BTBD9: variants seen among roughly 807,000 people sequenced by gnomAD.
BTBD9 encodes BTB/POZ domain-containing protein 9.
Under a neutral mutation model 64.3 loss-of-function variants are expected in BTBD9, and 49 were observed. The ratio of observed to expected loss-of-function variants is 0.76; its 90% CI spans 0.61 to 0.97. The LOEUF (loss-of-function observed/expected upper bound fraction) is 0.97. Ranked by LOEUF, BTBD9 falls within the 50% of genes least tolerant of loss-of-function variation. BTBD9 has a pLI of 0.00. For synonymous variants in BTBD9, 260 were observed against 274.7 expected, an observed-to-expected ratio of 0.95 and a Z score of 0.53; for missense variants, 598 against 762.1, an observed-to-expected ratio of 0.78 and a Z score of 2.53.
Position 38,267,091 on chromosome 6 carries a change from G to A in BTBD9, c.1455-10575C>T, listed in dbSNP as rs551417146. 7.2e-5 allele frequency among the ~76,000 whole-genome samples: 11 copies of A among 152,368 alleles called. No homozygotes were observed. In the East Asian group the frequency reaches 2.1e-3, roughly 29 times the overall value. ...CACCGGCAGGATCAGAAAAGGATGT[G>A]TGAGAGGCAGAAATGCCGAGGTCCT... On this transcript the variant is annotated intron_variant, in intron 8 of 10. Transcript: ENST00000481247.
At chr6:38,444,970 C>A (rs1416810960) in intron 6 of BTBD9, among the ~76,000 whole-genome samples, 1 of 152,152 alleles carries the variant, frequency 6.6e-6, no homozygotes, top group Non-Finnish European at 1.5e-5. Context: ...GACTAAATTT[C>A]CTATTCCTCT....
intron 8 of BTBD9, among the ~76,000 whole-genome samples, chr6:38,287,109 TACACACACACACACAC>T (rs70981534): frequency 1.6e-4 from 14 of 87,018 alleles, no homozygotes; most frequent in East Asian, 3.7e-4. Flanking sequence ...AAAAAAAATA[TACACACACACACACAC>T]ACACACACAC....
At chr6:38,464,687 G>A (rs897327394) in intron 6 of BTBD9, among the ~76,000 whole-genome samples, 3 of 152,032 alleles carry the variant, frequency 2.0e-5, no homozygotes, top group Non-Finnish European at 4.4e-5. Flanking sequence ...GTAGAGATGG[G>A]GTTTCACCAA....
intron 6 of BTBD9, among the ~76,000 whole-genome samples, chr6:38,550,237 C>G (rs1774735645): frequency 6.6e-6 from 1 of 152,188 alleles, no homozygotes; most frequent in South Asian, 2.1e-4. Context: ...CTGTCCTTAT[C>G]TCAGTCTAAC....
chr6:38,200,945 G>T (rs1045978665), intron 9 of BTBD9, among the ~76,000 whole-genome samples: 1 of 152,102 alleles, frequency 6.6e-6, no homozygotes, highest in Admixed American at 6.6e-5. Context: ...GCTTGAGTCT[G>T]GGAGTTTGCG....
chr6:38,329,251 G>A (rs1763578626), intron 7 of BTBD9, among the ~76,000 whole-genome samples: 1 of 151,274 alleles, frequency 6.6e-6, no homozygotes, highest in East Asian at 1.9e-4. Flanking sequence ...TGCTGTTCCT[G>A]AATATTCCTT....
chr6:38,543,712 C>T (rs1174579056), intron 6 of BTBD9, among the ~76,000 whole-genome samples: 1 of 152,086 alleles, frequency 6.6e-6, no homozygotes, highest in Non-Finnish European at 1.5e-5. Flanking sequence ...AATCCTAGCA[C>T]TTTGGGAGGC....
chr6:38,297,425 T>C (rs1193028855), intron 7 of BTBD9, among the ~76,000 whole-genome samples: 4 of 152,214 alleles, frequency 2.6e-5, no homozygotes, highest in Non-Finnish European at 4.4e-5. Context: ...TTCCTACAAT[T>C]CTGTTGATTT....
At chr6:38,204,897 A>C (rs1386205651) in intron 9 of BTBD9, among the ~76,000 whole-genome samples, 1 of 152,216 alleles carries the variant, frequency 6.6e-6, no homozygotes, top group Non-Finnish European at 1.5e-5. Flanking sequence ...CATCTTTGAA[A>C]TAGGAATAAA....
chr6:38,525,139 T>C lies in BTBD9; in HGVS notation c.1154+52461A>G, dbSNP rs564299665. ...ACCTCATCTTGAATTGTAATCCCCATGTGTCGAGGGAGAAAGTTAGTTGGA... is the reference window on the plus strand; with the variant it reads ...ACCTCATCTTGAATTGTAATCCCCACGTGTCGAGGGAGAAAGTTAGTTGGA... On this transcript the variant is annotated intron_variant, in intron 6 of 10. Coordinates refer to ENST00000481247, the MANE Select transcript of BTBD9 (RefSeq NM_001099272.2). Among the ~76,000 whole-genome samples, 6 of 152,300 alleles carry C rather than the reference T, an allele frequency of 3.9e-5. No homozygotes were observed. In the East Asian group the frequency reaches 7.7e-4, roughly 20 times the overall value.
intron 6 of BTBD9, among the ~76,000 whole-genome samples, chr6:38,544,993 G>A (rs1471466280): frequency 6.8e-6 from 1 of 147,188 alleles, no homozygotes; most frequent in African/African-American, 2.5e-5. Context: ...AGGAGATGAA[G>A]CCTGAGAGGT....
intron 6 of BTBD9, among the ~76,000 whole-genome samples, chr6:38,409,655 T>A (rs1176930057): frequency 6.6e-6 from 1 of 151,860 alleles, no homozygotes; most frequent in Non-Finnish European, 1.5e-5. Context: ...AAACCCTGTC[T>A]CTACTAAAAA....
At chr6:38,552,825 G>A (rs1259270916) in intron 6 of BTBD9, among the ~76,000 whole-genome samples, 2 of 151,806 alleles carry the variant, frequency 1.3e-5, no homozygotes, top group Non-Finnish European at 2.9e-5. Flanking sequence ...CCTGGACTCT[G>A]ACTAATTAGG....
chr6:38,201,079 C>T (rs1010812876), intron 9 of BTBD9, among the ~76,000 whole-genome samples: 1 of 151,940 alleles, frequency 6.6e-6, no homozygotes, highest in Non-Finnish European at 1.5e-5. Flanking sequence ...GGGAATACTC[C>T]TTAACTCATT....
At chr6:38,613,923 T>G (rs1397065842) in intron 1 of BTBD9, among the ~76,000 whole-genome samples, 1 of 152,120 alleles carries the variant, frequency 6.6e-6, no homozygotes, top group Admixed American at 6.5e-5. Context: ...CTATGAGTAT[T>G]CTCTTCCTCT....
At chr6:38,311,332 A>G (rs770447004) in intron 7 of BTBD9, among the ~76,000 whole-genome samples, 5 of 152,096 alleles carry the variant, frequency 3.3e-5, no homozygotes, top group Admixed American at 1.3e-4. Flanking sequence ...AGCTCCCACA[A>G]GTAAGTGAGA....
intron 1 of BTBD9, among the ~76,000 whole-genome samples, chr6:38,602,217 T>C (rs568074579): frequency 6.6e-6 from 1 of 152,090 alleles, no homozygotes; most frequent in Non-Finnish European, 1.5e-5. Flanking sequence ...TGGCTAGCCA[T>C]TTGGAAAAAA....
intron 8 of BTBD9, among the ~76,000 whole-genome samples, chr6:38,263,871 G>T (rs1764877414): frequency 6.6e-6 from 1 of 152,150 alleles, no homozygotes; most frequent in Non-Finnish European, 1.5e-5. Context: ...GAACTAAAAG[G>T]GCCAAAGATA....
intron 7 of BTBD9, among the ~76,000 whole-genome samples, chr6:38,303,874 T>TATATACATACAC (rs368257334): frequency 6.0e-5 from 5 of 82,648 alleles, no homozygotes; most frequent in African/African-American, 1.9e-4. Context: ...TATATATATA[T>TATATACATACAC]ACACACACAC....
Sources: gnomAD v4.1 joint callset for allele counts (sites outside exome capture counted in the v4.1 genomes callset) on GRCh38, gnomAD v4.1.1 for gene constraint, MANE v1.5 for transcripts, NCBI Gene and HGNC (gene_info 2026-07-23, HGNC 2026-07-21) for gene names.